The following TAF1 variants were observed in gnomAD, a reference collection of about 807,000 sequenced individuals.
TAF1 encodes transcription initiation factor TFIID subunit 1.
In TAF1, 2 loss-of-function variants were observed where a neutral mutation model predicts 138.5. That is an observed-to-expected ratio of 0.01 (90% confidence interval 0.01 to 0.05). The LOEUF is 0.05. TAF1 is among the 10% of genes least tolerant of loss of function. The pLI is 1.00. For synonymous variants in TAF1, 437 were observed against 503.2 expected (o/e 0.87, Z 1.76); for missense variants, 709 against 1,478.0 (o/e 0.48, Z 8.53).
chrX:71,475,598 AAAGAAAAAG>A (rs1379037566), intron 13 of TAF1, among the ~76,000 whole-genome samples: 2 of 108,902 alleles, frequency 1.8e-5, no homozygotes, highest in African/African-American at 6.8e-5. Flanking sequence ...AAAAAAAAAA[AAAGAAAAAG>A]AAAAAGGATA....
At chrX:71,423,293 TGTTTAGGGTGTACAC>T in intron 30 of TAF1, 54 bp downstream of exon 30, 1 of 1,203,524 alleles carries the variant, frequency 8.3e-7, no homozygotes, top group Non-Finnish European at 1.1e-6. Context: ...AAAGGAAAAA[TGTTTAGGGTGTACAC>T]GTGTGTGTAT....
At chrX:71,450,950 T>G (rs769047680) in intron 32 of TAF1, among the ~76,000 whole-genome samples, 1 of 112,275 alleles carries the variant, frequency 8.9e-6, no homozygotes, top group South Asian at 3.7e-4. Context: ...CAGCTGCTAC[T>G]AAGCCCCAGC....
chrX:71,366,526 G>A lies in TAF1; in HGVS notation c.120+32G>A, dbSNP rs2032499837. On this transcript the variant is annotated intron_variant, in intron 1 of 37. Transcript: ENST00000423759. ...GGGTGGGCGTGGGGGTAGGGCTCGG[G>A]GGGTGGGGCTAAGCAGAGGAAGGAG... The A allele has an allele frequency of 3.2e-6, 3 of 949,162 alleles. No individual in the cohort carries two copies. The East Asian group carries it at 1.1e-4, about 35-fold the overall frequency. The allele number at this position is 949,162 out of a possible 1,213,427, so 78.2% of individuals were successfully genotyped here.
intron 26 of TAF1, 36 bp downstream of exon 26, chrX:71,406,782 G>T (rs758733796): frequency 8.9e-7 from 1 of 1,120,918 alleles, no homozygotes; most frequent in Non-Finnish European, 1.2e-6. Flanking sequence ...GATTAGGTAG[G>T]TTATCATTGA....
At chrX:71,515,044 A>C (rs2039802058) in intron 13 of TAF1, among the ~76,000 whole-genome samples, 1 of 111,765 alleles carries the variant, frequency 8.9e-6, no homozygotes, top group African/African-American at 3.2e-5. Context: ...GAGGGGTTTT[A>C]AGCTGAGTAT....
At chrX:71,449,542 C>A (rs1307496385) in intron 32 of TAF1, among the ~76,000 whole-genome samples, 1 of 112,320 alleles carries the variant, frequency 8.9e-6, no homozygotes, top group Non-Finnish European at 1.9e-5. Context: ...CTAATTTTTC[C>A]TTGTATTATA....
chrX:71,479,332 A>G (rs978455264), intron 13 of TAF1, among the ~76,000 whole-genome samples: 25 of 111,891 alleles, frequency 2.2e-4, no homozygotes, highest in Admixed American at 2.0e-3. Flanking sequence ...AGCACTTTGG[A>G]AGGCCAAGGC....
chrX:71,410,505 T>A (rs2035726780), intron 28 of TAF1, among the ~76,000 whole-genome samples: 1 of 98,727 alleles, frequency 1.0e-5, no homozygotes, highest in Non-Finnish European at 2.0e-5. Flanking sequence ...TGACCCAGGC[T>A]GGAGTGCAGT....
intron 13 of TAF1, among the ~76,000 whole-genome samples, chrX:71,500,035 C>T (rs764294057): frequency 3.5e-4 from 39 of 110,557 alleles, no homozygotes; most frequent in Middle Eastern, 4.6e-3. Flanking sequence ...GGGACATAAC[C>T]GATAGCCCGG....
intron 23 of TAF1, among the ~76,000 whole-genome samples, chrX:71,398,110 C>A (rs903401216): frequency 9.0e-6 from 1 of 111,203 alleles, no homozygotes; most frequent in East Asian, 2.9e-4. Flanking sequence ...GAGGCTGAGG[C>A]GGGCGGATCA....
At chrX:71,443,711 G>A (rs1473447021) in intron 32 of TAF1, among the ~76,000 whole-genome samples, 4 of 110,862 alleles carry the variant, frequency 3.6e-5, no homozygotes, top group African/African-American at 1.3e-4. Context: ...GTGTTTTTTT[G>A]TTTGTTTTGT....
intron 35 of TAF1, among the ~76,000 whole-genome samples, chrX:71,458,647 G>A (rs2038410958): frequency 8.9e-6 from 1 of 111,837 alleles, no homozygotes; most frequent in African/African-American, 3.2e-5. Flanking sequence ...TAGCCTGACG[G>A]GTGACTAGAG....
chrX:71,384,839 C>T, intron 13 of TAF1, 106 bp from the exon 14 acceptor site: 1 of 559,775 alleles, frequency 1.8e-6, no homozygotes, highest in Non-Finnish European at 2.8e-6. Flanking sequence ...TGGTCACAAG[C>T]ATTTTGGATG....
In TAF1 at chrX:71,370,648, C is replaced by T. The variant is rs374739843; in HGVS notation, c.352+2478C>T. Among the ~76,000 whole-genome samples the T allele has an allele frequency of 5.4e-5, 6 of 111,635 alleles. No individual in the cohort carries two copies. The East Asian group carries it at 1.7e-3, about 31-fold the overall frequency. On this transcript the variant is annotated intron_variant, in intron 3 of 37. Transcript: ENST00000423759. ...TACAGGTGTGAGCCACCCCGCCTGG[C>T]CTGCTTGAAACTTTTATGTGAAGTT...
chrX:71,367,161 C>G lies in TAF1; in HGVS notation c.121-338C>G, dbSNP rs775900151. Among the ~76,000 whole-genome samples the G allele has an allele frequency of 3.5e-4, 39 of 112,600 alleles. No homozygotes were observed. In the South Asian group the frequency reaches 6.6e-3, roughly 19 times the overall value. On this transcript the variant is annotated intron_variant, in intron 1 of 37. Transcript: ENST00000423759. The stretch of plus-strand genomic sequence containing the variant: ...AGGGACCGAACGAGCCCCGCCTCGA[C>G]GCCTCCAATCCCACTGATCCCCCTG...
intron 13 of TAF1, among the ~76,000 whole-genome samples, chrX:71,489,744 A>G (rs112687521): frequency 1.8e-5 from 2 of 112,232 alleles, no homozygotes; most frequent in Non-Finnish European, 3.8e-5. Flanking sequence ...CAACAGGCAA[A>G]CTAAGTGGGA....
intron 13 of TAF1, among the ~76,000 whole-genome samples, chrX:71,500,514 T>A (rs2039480433): frequency 9.2e-6 from 1 of 108,830 alleles, no homozygotes; most frequent in Non-Finnish European, 1.9e-5. Context: ...TGGTTTTGGT[T>A]TGTTTGCTCC....
chrX:71,401,644 G>A lies in TAF1; in HGVS notation c.3903G>A (p.Glu1301=). ...SNPVAMTEEQ[E]EELEKTVIHN... ...CTGTTGCCATGACAGAAGAACAGGAGGAGGAGTTGGAAAAGACAGTCATTC... is the reference window on the plus strand; with the variant it reads ...CTGTTGCCATGACAGAAGAACAGGAAGAGGAGTTGGAAAAGACAGTCATTC... Residue 1301 remains glutamate, a synonymous_variant, in exon 25 of 38, where the codon GAG becomes GAA. Transcript: ENST00000423759. 1.7e-6 allele frequency: 2 copies of A among 1,211,703 alleles called. No individual in the cohort carries two copies. Among genetic ancestry groups the A allele is most frequent in the Non-Finnish European group, 2.2e-6 (2 of 895,548 alleles).
At chrX:71,405,570 C>T (rs770774173) in intron 25 of TAF1, among the ~76,000 whole-genome samples, 4 of 111,996 alleles carry the variant, frequency 3.6e-5, no homozygotes, top group Non-Finnish European at 5.6e-5. Flanking sequence ...AGGCTGGTCT[C>T]GAACTTCTGA....
Sources: allele counts gnomAD v4.1 joint callset (sites outside exome capture counted in the v4.1 genomes callset), GRCh38; gene constraint gnomAD v4.1.1; transcripts MANE v1.5; gene names NCBI Gene and HGNC (gene_info 2026-07-23, HGNC 2026-07-21).